Variants in MYO16 observed in about 807,000 individuals in gnomAD.
MYO16 encodes the protein myosin XVI.
A neutral mutation model predicts 205.3 loss-of-function variants in MYO16; 94 were observed. That is an observed-to-expected ratio of 0.46 (90% CI 0.39 to 0.54). The LOEUF is 0.54. MYO16 is among the 20% of genes least tolerant of loss of function. The pLI is 0.00. For synonymous variants in MYO16, 988 were observed against 954.0 expected (o/e 1.04, Z -0.66); for missense variants, 2,315 against 2,387.5 (o/e 0.97, Z 0.63).
intron 20 of MYO16, among the ~76,000 whole-genome samples, chr13:108,987,493 A>C (rs1884683404): frequency 6.6e-6 from 1 of 152,238 alleles, no homozygotes; most frequent in South Asian, 2.1e-4. Flanking sequence ...AAGGAAAGCA[A>C]AACTTTTTGT....
intron 2 of MYO16, among the ~76,000 whole-genome samples, chr13:108,708,069 G>T (rs1883582464): frequency 6.6e-6 from 1 of 152,126 alleles, no homozygotes; most frequent in Non-Finnish European, 1.5e-5. Flanking sequence ...GTGAGGGGGT[G>T]ATAATAAAAA....
chr13:108,698,947 A>T (rs1252783793), intron 2 of MYO16, among the ~76,000 whole-genome samples: 3 of 152,158 alleles, frequency 2.0e-5, no homozygotes, highest in Non-Finnish European at 4.4e-5. Context: ...CTCAAAGAGC[A>T]TAGTAAGTGC....
intron 2 of MYO16, among the ~76,000 whole-genome samples, chr13:108,707,462 A>T (rs1883555199): frequency 6.6e-6 from 1 of 152,164 alleles, no homozygotes; most frequent in South Asian, 2.1e-4. Context: ...GTGAGGGTCG[A>T]GGGTCATTGC....
intron 23 of MYO16, among the ~76,000 whole-genome samples, chr13:109,029,112 C>CTTTTTTTTTTTTT (rs200871485): frequency 5.1e-5 from 5 of 98,404 alleles, no homozygotes; most frequent in Admixed American, 1.4e-4. Flanking sequence ...TTTTTCTTTT[C>CTTTTTTTTTTTTT]TTTTTTTTTT....
intron 4 of MYO16, among the ~76,000 whole-genome samples, chr13:108,764,692 C>T (rs1262707895): frequency 6.6e-6 from 1 of 152,120 alleles, no homozygotes; most frequent in Non-Finnish European, 1.5e-5. Flanking sequence ...CTTTTCTTAG[C>T]TTTTTCTCAG....
At chr13:108,524,037 C>T in the MYO16 span, among the ~76,000 whole-genome samples, 38 of 152,158 alleles carry the variant, frequency 2.5e-4, no homozygotes, top group Admixed American at 3.9e-4. Context: ...CGGAGGCTCA[C>T]GCCTGTAATC....
At chr13:108,821,358 A>G (rs1875961950) in intron 8 of MYO16, among the ~76,000 whole-genome samples, 1 of 152,194 alleles carries the variant, frequency 6.6e-6, no homozygotes, top group Admixed American at 6.5e-5. Context: ...GTTAAACTGA[A>G]TATTTACCAA....
intron 2 of MYO16, among the ~76,000 whole-genome samples, chr13:108,689,193 C>T (rs980837499): frequency 2.0e-5 from 3 of 152,018 alleles, no homozygotes; most frequent in Admixed American, 6.5e-5. Context: ...ATTTTATTTT[C>T]GTAGTTCAAA....
chr13:108,876,297 A>G (rs909175123), intron 12 of MYO16, among the ~76,000 whole-genome samples: 12 of 152,308 alleles, frequency 7.9e-5, no homozygotes, highest in Non-Finnish European at 1.6e-4. Context: ...TTTAAAATTA[A>G]AAGTGCTGTA....
At chr13:108,670,622 G>GA (rs1463464762) in intron 2 of MYO16, among the ~76,000 whole-genome samples, 1 of 151,978 alleles carries the variant, frequency 6.6e-6, no homozygotes, top group East Asian at 1.9e-4. Context: ...GGGACCTATA[G>GA]AAAAAAAGAT....
chr13:108,937,712 C>T (rs1025058187), intron 16 of MYO16, among the ~76,000 whole-genome samples: 2 of 152,196 alleles, frequency 1.3e-5, no homozygotes, highest in African/African-American at 2.4e-5. Context: ...TTCAGAACCT[C>T]TGATACTCTG....
chr13:109,140,395 G>C lies in MYO16; in HGVS notation c.4183G>C (p.Asp1395His), dbSNP rs1181965192. 3 of 1,594,316 alleles carry C rather than the reference G, an allele frequency of 1.9e-6. No homozygotes were observed. The highest frequency in any genetic ancestry group is 1.7e-5 in the Admixed American group (1 of 59,078). ...YEEISGSRPG[D>H]ARPAGAPGAA... is the part of the protein sequence containing the mutation. Reference sequence around the variant, plus strand: ...GGAGATATCGGGGTCCCGGCCCGGGGACGCGAGGCCCGCGGGCGCCCCGGG... The same window carrying C: ...GGAGATATCGGGGTCCCGGCCCGGGCACGCGAGGCCCGCGGGCGCCCCGGG... The change falls in exon 32 of 35, where the codon GAC (aspartate) becomes CAC (histidine). Residue 1395 changes from aspartate to histidine, a missense_variant. This residue lies in a region of MYO16 where 1,097 missense variants were observed against 1,092.0 expected (regional missense o/e 1.00). Coordinates refer to ENST00000457511, the MANE Select transcript of MYO16 (RefSeq NM_001198950.3). This position sits in a 1 kb window ranked among gnomAD's most constrained non-coding sequence, Gnocchi z 8.0.
At chr13:108,986,610 G>A (rs375555944) in intron 20 of MYO16, among the ~76,000 whole-genome samples, 15 of 104,914 alleles carry the variant, frequency 1.4e-4, no homozygotes, top group South Asian at 3.4e-4. Context: ...CAACAAGAGC[G>A]AAACTCCGTC....
the MYO16 span, among the ~76,000 whole-genome samples, chr13:108,561,234 C>G: frequency 2.2e-4 from 33 of 152,348 alleles, no homozygotes; most frequent in African/African-American, 7.9e-4. Context: ...TGACTAATCT[C>G]AGGAGACCCT....
chr13:109,152,174 C>T (rs1291927188), intron 32 of MYO16, among the ~76,000 whole-genome samples: 1 of 152,076 alleles, frequency 6.6e-6, no homozygotes, highest in African/African-American at 2.4e-5. Flanking sequence ...GTATATATTA[C>T]CAGTAATAAA....
intron 34 of MYO16, among the ~76,000 whole-genome samples, chr13:109,206,072 A>C (rs1262306138): frequency 6.6e-6 from 1 of 152,102 alleles, no homozygotes; most frequent in Non-Finnish European, 1.5e-5. Flanking sequence ...GTGATTGTGT[A>C]TTGTCTATGA....
intron 2 of MYO16, among the ~76,000 whole-genome samples, chr13:108,676,466 A>G (rs1413963151): frequency 6.6e-6 from 1 of 151,612 alleles, no homozygotes; most frequent in Non-Finnish European, 1.5e-5. Flanking sequence ...AAAGAATCCT[A>G]TGAGGTACTG....
intron 2 of MYO16, among the ~76,000 whole-genome samples, chr13:108,672,288 T>G (rs1400013531): frequency 6.6e-6 from 1 of 152,186 alleles, no homozygotes; most frequent in Non-Finnish European, 1.5e-5. Context: ...AATAGTCAAA[T>G]GCACTTGTTT....
At chr13:108,956,869 A>G (rs1205888928) in intron 16 of MYO16, among the ~76,000 whole-genome samples, 1 of 152,050 alleles carries the variant, frequency 6.6e-6, no homozygotes, top group Non-Finnish European at 1.5e-5. Flanking sequence ...GCTGTTGTTG[A>G]GTCCTTTTCC....
Sources: allele counts gnomAD v4.1 joint callset (sites outside exome capture counted in the v4.1 genomes callset), GRCh38; gene constraint gnomAD v4.1.1; regional missense constraint gnomAD v4.1.1; non-coding constraint Gnocchi (gnomAD v3.1); transcripts MANE v1.5; gene names NCBI Gene and HGNC (gene_info 2026-07-23, HGNC 2026-07-21).